The following ERC2 variants were observed in gnomAD, a reference collection of about 807,000 sequenced individuals.
The protein encoded by ERC2 is ERC protein 2.
A neutral mutation model predicts 114.8 loss-of-function variants in ERC2; 42 were observed. That is an observed-to-expected ratio of 0.37 (90% CI 0.29 to 0.47). The LOEUF (loss-of-function observed/expected upper bound fraction) is 0.47. ERC2 is among the 20% of genes least tolerant of loss of function. The pLI is 0.99. For missense variants in ERC2, 939 were observed against 1,150.7 expected (o/e 0.82, Z 2.66); for synonymous variants, 454 against 425.5 (o/e 1.07, Z -0.82).
intron 1 of ERC2, chr3:56,466,943 T>G (rs995614805): frequency 6.6e-6 from 1 of 152,246 alleles, no homozygotes; most frequent in African/African-American, 2.4e-5. Flanking sequence ...CCCCAATTCC[T>G]TCTTTACACA....
At chr3:56,281,123 A>G (rs188690222) in intron 3 of ERC2, among the ~76,000 whole-genome samples, 29 of 152,344 alleles carry the variant, frequency 1.9e-4, no homozygotes, top group African/African-American at 7.0e-4. Context: ...CGAATACTTC[A>G]TTTGCTATAG....
intron 2 of ERC2, among the ~76,000 whole-genome samples, chr3:56,309,774 C>A (rs2056433649): frequency 6.6e-6 from 1 of 152,180 alleles, no homozygotes; most frequent in South Asian, 2.1e-4. Context: ...GGGCTTGGCA[C>A]ATAATGAATG....
chr3:55,856,770 T>G (rs1311171038), intron 14 of ERC2, among the ~76,000 whole-genome samples: 5 of 152,156 alleles, frequency 3.3e-5, no homozygotes, highest in African/African-American at 1.2e-4. Context: ...AAAATCCAAA[T>G]GCCCATCAGC....
intron 14 of ERC2, among the ~76,000 whole-genome samples, chr3:55,753,388 C>T (rs572349585): frequency 2.4e-4 from 37 of 152,276 alleles, no homozygotes; most frequent in African/African-American, 8.4e-4. Context: ...TTACCTACCC[C>T]CGAGGTCACT....
chr3:56,030,274 C>T (rs543304177), intron 7 of ERC2, among the ~76,000 whole-genome samples: 5 of 152,222 alleles, frequency 3.3e-5, no homozygotes, highest in South Asian at 4.1e-4. Flanking sequence ...GCAAATAATG[C>T]ATTTCAGCAG....
At chr3:55,631,728 T>A (rs2059765300) in intron 17 of ERC2, among the ~76,000 whole-genome samples, 1 of 144,210 alleles carries the variant, frequency 6.9e-6, no homozygotes, top group Non-Finnish European at 1.5e-5. Context: ...AACCATCACC[T>A]GACAGGTGGC....
chr3:55,875,837 C>T (rs1411054058), intron 14 of ERC2, among the ~76,000 whole-genome samples: 3 of 151,926 alleles, frequency 2.0e-5, no homozygotes, highest in African/African-American at 4.8e-5. Context: ...ATGCAGAAAG[C>T]ATTTTGAACC....
intron 3 of ERC2, among the ~76,000 whole-genome samples, chr3:56,246,339 C>A (rs1257966178): frequency 6.6e-6 from 1 of 152,126 alleles, no homozygotes; most frequent in Admixed American, 6.5e-5. Flanking sequence ...CCACAAGCTG[C>A]CAGCAGTGCC....
chr3:56,236,796 G>C (rs537295913), intron 3 of ERC2, among the ~76,000 whole-genome samples: 1 of 152,168 alleles, frequency 6.6e-6, no homozygotes, highest in Non-Finnish European at 1.5e-5. Context: ...TGGGAATAGA[G>C]AGAAAACAGA....
chr3:55,835,942 A>C (rs1175350224), intron 14 of ERC2, among the ~76,000 whole-genome samples: 2 of 151,586 alleles, frequency 1.3e-5, no homozygotes, highest in African/African-American at 4.9e-5. Context: ...AATCACAAGC[A>C]TTCTTATACA....
chr3:55,793,837 G>A (rs1342728372), intron 14 of ERC2, among the ~76,000 whole-genome samples: 6 of 152,120 alleles, frequency 3.9e-5, no homozygotes, highest in Admixed American at 1.3e-4. Context: ...ATGGTAGCTC[G>A]AGGCTTTCAT....
chr3:55,765,263 A>G (rs1464546414), intron 14 of ERC2, among the ~76,000 whole-genome samples: 2 of 152,220 alleles, frequency 1.3e-5, no homozygotes, highest in South Asian at 4.1e-4. Flanking sequence ...GCAATTATCT[A>G]CATTACCTAC....
intron 1 of ERC2, among the ~76,000 whole-genome samples, chr3:56,441,000 C>G (rs1410917089): frequency 6.6e-6 from 1 of 152,164 alleles, no homozygotes; most frequent in Non-Finnish European, 1.5e-5. Context: ...GTCCTTGAAT[C>G]TGGACTGGCC....
chr3:56,418,832 G>A (rs921547147), intron 2 of ERC2, among the ~76,000 whole-genome samples: 6 of 152,170 alleles, frequency 3.9e-5, no homozygotes, highest in African/African-American at 9.7e-5. Flanking sequence ...ACTTCCAGAA[G>A]CCCTACACTG....
intron 16 of ERC2, among the ~76,000 whole-genome samples, chr3:55,691,108 A>G (rs2062617183): frequency 6.6e-6 from 1 of 152,130 alleles, no homozygotes; most frequent in African/African-American, 2.4e-5. Context: ...CAAGCAAACA[A>G]ATAAACTGCC....
At position 56,235,682 on chromosome 3, in the gene ERC2, T is replaced by C. The variant is rs532010987; in HGVS notation, c.1074+60337A>G. ...CTATTTTTCCCATAGACCTGCAAAG[T>C]CCAATGCAGTAGCCACTAACCACAA... On this transcript the variant is annotated intron_variant, in intron 3 of 17. Transcript: ENST00000288221. Among the ~76,000 whole-genome samples the C allele has an allele frequency of 2.6e-4, 39 of 152,268 alleles. 1 individual carries two copies. In the South Asian group the frequency reaches 6.0e-3, roughly 23 times the overall value.
chr3:55,691,560 AAAAAAAAAAAAAAATATAT>A (rs1239570929), intron 16 of ERC2, among the ~76,000 whole-genome samples: 2 of 84,630 alleles, frequency 2.4e-5, no homozygotes, highest in Admixed American at 1.5e-4. Context: ...AAAAAAAAAA[AAAAAAAAAAAAAAATATAT>A]ATATATATAT....
At chr3:55,562,839 GATC>G (rs1332078020) in intron 17 of ERC2, among the ~76,000 whole-genome samples, 12 of 152,102 alleles carry the variant, frequency 7.9e-5, no homozygotes, top group Admixed American at 7.2e-4. Flanking sequence ...TAAAAAAAAA[GATC>G]ATGATATGAT....
At chr3:55,755,083 CTT>C (rs35629979) in intron 14 of ERC2, among the ~76,000 whole-genome samples, 16 of 145,946 alleles carry the variant, frequency 1.1e-4, no homozygotes, top group East Asian at 4.0e-4. Context: ...TATTCATCTT[CTT>C]TTTTTTTTTT....
Sources: gnomAD v4.1 joint callset for allele counts (sites outside exome capture counted in the v4.1 genomes callset) on GRCh38, gnomAD v4.1.1 for gene constraint, MANE v1.5 for transcripts, NCBI Gene and HGNC (gene_info 2026-07-23, HGNC 2026-07-21) for gene names.